FREM2: variants seen among roughly 807,000 people sequenced by gnomAD.
FREM2 encodes the protein FRAS1 related extracellular matrix 2, also known as FRAS1-related extracellular matrix protein 2.
Under a neutral mutation model 219.9 loss-of-function variants are expected in FREM2, and 119 were observed. The observed-to-expected ratio is 0.54, with a 90% CI of 0.47 to 0.63. The LOEUF is 0.63. Among genes scored for constraint, FREM2 ranks in the 30% least tolerant of loss-of-function variants. FREM2 has a pLI of 0.00. For missense variants in FREM2, 4,030 were observed against 3,993.6 expected (o/e 1.01, Z -0.25); for synonymous variants, 1,562 against 1,522.8 (o/e 1.03, Z -0.60).
At chr13:38,704,008 T>C (rs1870441284) in intron 2 of FREM2, among the ~76,000 whole-genome samples, 1 of 152,204 alleles carries the variant, frequency 6.6e-6, no homozygotes, top group Non-Finnish European at 1.5e-5. Context: ...TTACATTTGC[T>C]CTGATGGCTG....
intron 6 of FREM2, among the ~76,000 whole-genome samples, chr13:38,834,343 T>C (rs1197686351): frequency 6.6e-6 from 1 of 152,204 alleles, no homozygotes; most frequent in Non-Finnish European, 1.5e-5. Flanking sequence ...GCAAAGGACA[T>C]GAACTCATCC....
chr13:38,777,200 T>C (rs968843746), intron 4 of FREM2, among the ~76,000 whole-genome samples: 1 of 152,158 alleles, frequency 6.6e-6, no homozygotes, highest in African/African-American at 2.4e-5. Context: ...TCTATGAAAA[T>C]ACTGGATTTT....
intron 6 of FREM2, among the ~76,000 whole-genome samples, chr13:38,829,114 T>G (rs1271831004): frequency 6.6e-6 from 1 of 152,150 alleles, no homozygotes; most frequent in African/African-American, 2.4e-5. Flanking sequence ...TCCCTAATTT[T>G]ACAGGTGAAG....
rs146743278 is a variant in FREM2, at chr13:38,758,745, T to A, written c.5264-5559T>A. Among the ~76,000 whole-genome samples, 656 of 152,332 alleles carry A rather than the reference T, an allele frequency of 4.3e-3. 5 individuals carry two copies. The highest frequency in any genetic ancestry group is 0.015 in the African/African-American group (623 of 41,578). ...ATCACGGAAATGGCAATGAAATGAA[T>A]CCCTTATTTTAACTTTAATTTTAGA... On this transcript the variant is annotated intron_variant, in intron 2 of 23. Transcript: ENST00000280481.
chr13:38,816,401 A>G (rs1875766361), intron 6 of FREM2, among the ~76,000 whole-genome samples: 10 of 152,238 alleles, frequency 6.6e-5, no homozygotes, highest in Admixed American at 5.9e-4. Flanking sequence ...AGTGGAGTTT[A>G]TTCCAGAGAT....
At chr13:38,861,369 C>G in intron 14 of FREM2, 62 bp from the exon 15 acceptor site, 1 of 1,547,184 alleles carries the variant, frequency 6.5e-7, no homozygotes, top group East Asian at 2.3e-5. Context: ...TTTTCTAAAA[C>G]ATTCTTTAGG....
At chr13:38,861,586 C>G in intron 15 of FREM2, 24 bp downstream of exon 15, 1 of 1,613,048 alleles carries the variant, frequency 6.2e-7, no homozygotes, top group Non-Finnish European at 8.5e-7. Flanking sequence ...GTAAGCAAAT[C>G]CATGGAATTG....
intron 6 of FREM2, among the ~76,000 whole-genome samples, chr13:38,806,162 A>G (rs1350020348): frequency 6.6e-6 from 1 of 151,872 alleles, no homozygotes; most frequent in Non-Finnish European, 1.5e-5. Context: ...CAGAGAAGAG[A>G]GACTTCTCCA....
At chr13:38,827,579 G>A (rs1876341775) in intron 6 of FREM2, 1 of 152,104 alleles carries the variant, frequency 6.6e-6, no homozygotes, top group South Asian at 2.1e-4. Context: ...CCTTTGGGAA[G>A]CTTGAAGATG....
chr13:38,770,743 C>T (rs1271333444), intron 4 of FREM2, among the ~76,000 whole-genome samples: 1 of 142,814 alleles, frequency 7.0e-6, no homozygotes, highest in Non-Finnish European at 1.5e-5. Flanking sequence ...TGTCAATGCA[C>T]ACCTTGGCTG....
At chr13:38,725,552 G>A (rs550315404) in intron 2 of FREM2, among the ~76,000 whole-genome samples, 1 of 152,316 alleles carries the variant, frequency 6.6e-6, no homozygotes, top group Non-Finnish European at 1.5e-5. Flanking sequence ...CCTGTTCTTT[G>A]TGCCAAGGTC....
intron 12 of FREM2, among the ~76,000 whole-genome samples, chr13:38,856,788 A>G (rs1877579363): frequency 6.9e-6 from 1 of 144,802 alleles, no homozygotes; most frequent in Admixed American, 6.7e-5. Context: ...CTCACTAACC[A>G]GGTTTTCCTC....
chr13:38,726,566 G>A (rs1254357251), intron 2 of FREM2, among the ~76,000 whole-genome samples: 1 of 152,152 alleles, frequency 6.6e-6, no homozygotes. Context: ...TGTGGCATAG[G>A]GAGAGAGTGT....
chr13:38,880,668 GCAGTGCTGATGT>G lies in FREM2; in HGVS notation c.9392_9403del (p.Ala3131_Cys3135delinsGly). 1 of 1,614,204 alleles carries G rather than the reference GCAGTGCTGATGT, an allele frequency of 6.2e-7. No homozygotes were observed. The highest frequency in any genetic ancestry group is 1.1e-5 in the South Asian group (1 of 91,084). On this transcript the variant is annotated inframe_deletion, in exon 24 of 24. Transcript: ENST00000280481. The stretch of plus-strand genomic sequence containing the variant: ...ACTCACCATCTGCCTCACTGTCATT[GCAGTGCTGATGT>G]GCAGGGGCAAGGAAAGTTTCAGGGG...
In FREM2 at chr13:38,829,262, G is replaced by C. The variant is rs183782164; in HGVS notation, c.6020-17311G>C. On this transcript the variant is annotated intron_variant, in intron 6 of 23. Coordinates refer to ENST00000280481, the MANE Select transcript of FREM2 (RefSeq NM_207361.6). ...AAAGGCATCCATATTGGCATTCACT[G>C]TGCTATAGCCTATGATAGCTGGCTG... Among the ~76,000 whole-genome samples the C allele has an allele frequency of 1.8e-4, 27 of 152,214 alleles. No homozygotes were observed. The East Asian group carries it at 5.0e-3, about 28-fold the overall frequency.
Position 38,691,848 on chromosome 13 carries a change from G to T in FREM2, c.4504G>T (p.Val1502Leu). 1 of 1,614,148 alleles carries T rather than the reference G, an allele frequency of 6.2e-7. No homozygotes were observed. Among genetic ancestry groups the T allele is most frequent in the Non-Finnish European group, 8.5e-7 (1 of 1,180,036 alleles). ...IYYIHTADDE[V>L]KMDSFEFQVT... ...CTACATCCACACAGCTGATGATGAAGTGAAAATGGACAGTTTTGAGTTTCA... is the reference window on the plus strand; with the variant it reads ...CTACATCCACACAGCTGATGATGAATTGAAAATGGACAGTTTTGAGTTTCA... The change falls in exon 1 of 24, where the codon GTG becomes TTG. Residue 1502 changes from valine to leucine, a missense_variant. Transcript: ENST00000280481.
chr13:38,880,977 G>T lies in FREM2; in HGVS notation c.*190G>T, dbSNP rs902361843. 14 of 721,988 alleles carry T rather than the reference G, an allele frequency of 1.9e-5. No homozygotes were observed. The highest frequency in any genetic ancestry group is 3.3e-5 in the Non-Finnish European group (14 of 427,858). 44.7% of individuals were successfully genotyped at this position (721,988 alleles called of 1,614,324 possible). A position where few individuals can be genotyped will look rare whatever the true frequency, so the allele number is the denominator to read the frequency against. On this transcript the variant is annotated 3_prime_UTR_variant, in exon 24 of 24. Coordinates refer to ENST00000280481, the MANE Select transcript of FREM2 (RefSeq NM_207361.6). The stretch of plus-strand genomic sequence containing the variant: ...TTTTTGCATCAAAGGACAAATTAAG[G>T]CATCTTTCCTCTTGCCCCAAAGGCA...
At chr13:38,704,287 T>G (rs1277787479) in intron 2 of FREM2, among the ~76,000 whole-genome samples, 1 of 152,220 alleles carries the variant, frequency 6.6e-6, no homozygotes, top group African/African-American at 2.4e-5. Flanking sequence ...ATTACAGTCA[T>G]GATCTTTGAC....
chr13:38,750,736 T>C (rs570883217), intron 2 of FREM2, among the ~76,000 whole-genome samples: 1 of 152,100 alleles, frequency 6.6e-6, no homozygotes, highest in Admixed American at 6.5e-5. Flanking sequence ...CTCTGTTGCC[T>C]AGGCTAGAGT....
Sources: allele counts gnomAD v4.1 joint callset (sites outside exome capture counted in the v4.1 genomes callset), GRCh38; gene constraint gnomAD v4.1.1; transcripts MANE v1.5; gene names NCBI Gene and HGNC (gene_info 2026-07-23, HGNC 2026-07-21).